Variants in SLC9A9 observed in about 807,000 individuals in gnomAD.
SLC9A9 encodes the protein sodium/hydrogen exchanger 9.
A neutral mutation model predicts 77.8 loss-of-function variants in SLC9A9; 62 were observed. The observed-to-expected ratio is 0.80, with a 90% CI of 0.65 to 0.98. The LOEUF is 0.98. SLC9A9 is among the 50% of genes least tolerant of loss of function. SLC9A9 has a pLI of 0.00. For synonymous variants in SLC9A9, 320 were observed against 283.5 expected (o/e 1.13, Z -1.29); for missense variants, 775 against 774.9 (o/e 1.00, Z 0.00).
At chr3:143,412,177 C>T (rs535308400) in intron 12 of SLC9A9, among the ~76,000 whole-genome samples, 62 of 152,258 alleles carry the variant, frequency 4.1e-4, no homozygotes, top group African/African-American at 1.5e-3. Context: ...GAGACTCCTC[C>T]TCTGCTGCTG....
At chr3:143,806,835 A>G (rs1209326021) in intron 2 of SLC9A9, among the ~76,000 whole-genome samples, 1 of 152,206 alleles carries the variant, frequency 6.6e-6, no homozygotes, top group Non-Finnish European at 1.5e-5. Flanking sequence ...TGTATAGTCA[A>G]CAATAACTTA....
At chr3:143,689,974 T>C (rs1237628053) in intron 5 of SLC9A9, among the ~76,000 whole-genome samples, 1 of 151,926 alleles carries the variant, frequency 6.6e-6, no homozygotes, top group African/African-American at 2.4e-5. Context: ...AATCTAATTT[T>C]AAAAATTAAA....
chr3:143,322,948 A>G (rs367852932), intron 14 of SLC9A9, among the ~76,000 whole-genome samples: 133 of 152,310 alleles, frequency 8.7e-4, no homozygotes, highest in African/African-American at 3.1e-3. Context: ...CAAACAAAAA[A>G]CCATACAAAT....
chr3:143,674,309 G>A (rs571986903), intron 5 of SLC9A9, among the ~76,000 whole-genome samples: 2 of 152,104 alleles, frequency 1.3e-5, no homozygotes, highest in East Asian at 1.9e-4. Context: ...TATCCAGGAC[G>A]CTCTGACCAC....
intron 5 of SLC9A9, among the ~76,000 whole-genome samples, chr3:143,686,416 GGATA>G (rs1383011361): frequency 2.0e-5 from 3 of 152,076 alleles, no homozygotes; most frequent in African/African-American, 7.2e-5. Context: ...CACGGACAGG[GGATA>G]GAAAGCTCTG....
chr3:143,564,761 T>A (rs1248070895), intron 8 of SLC9A9, among the ~76,000 whole-genome samples: 3 of 152,178 alleles, frequency 2.0e-5, no homozygotes, highest in African/African-American at 7.2e-5. Flanking sequence ...CATGAATCTA[T>A]GTTATTATTT....
chr3:143,403,405 T>C (rs999432810), intron 12 of SLC9A9, among the ~76,000 whole-genome samples: 1 of 152,186 alleles, frequency 6.6e-6, no homozygotes, highest in Non-Finnish European at 1.5e-5. Flanking sequence ...CAATATGTAA[T>C]TATGCTGTTT....
Position 143,828,564 on chromosome 3 carries a change from A to AAC in SLC9A9, c.378+3453_378+3454dup, listed in dbSNP as rs143198052. On this transcript the variant is annotated intron_variant, in intron 2 of 15. Transcript: ENST00000316549. ...AAAGAAACAAGCACATACCTACCCC[A>AAC]ACACACACACACACACACAGAGAGA... is the stretch of plus-strand genomic sequence containing the variant. Among the ~76,000 whole-genome samples the AAC allele has an allele frequency of 5.2e-3, 788 of 150,342 alleles. 1 individual carries two copies. The highest frequency in any genetic ancestry group is 0.017 in the South Asian group (79 of 4,754).
chr3:143,564,038 C>T (rs1163737593), intron 8 of SLC9A9, among the ~76,000 whole-genome samples: 12 of 152,156 alleles, frequency 7.9e-5, no homozygotes, highest in Non-Finnish European at 1.3e-4. Context: ...AAATACACAT[C>T]TGTCAAAGGA....
intron 4 of SLC9A9, among the ~76,000 whole-genome samples, chr3:143,786,997 G>A (rs1341763774): frequency 6.6e-6 from 1 of 152,150 alleles, no homozygotes; most frequent in Non-Finnish European, 1.5e-5. Flanking sequence ...GCTGGGAAAA[G>A]AGAATGAAAA....
intron 4 of SLC9A9, among the ~76,000 whole-genome samples, chr3:143,706,917 A>G (rs1251483512): frequency 6.6e-6 from 1 of 152,166 alleles, no homozygotes; most frequent in East Asian, 1.9e-4. Flanking sequence ...AAAAGATTGG[A>G]TACCTCTGCA....
intron 14 of SLC9A9, among the ~76,000 whole-genome samples, chr3:143,303,608 T>A (rs1176740152): frequency 6.6e-6 from 1 of 152,212 alleles, no homozygotes; most frequent in Non-Finnish European, 1.5e-5. Context: ...CATTTGAGGA[T>A]GATTACTTTG....
At chr3:143,447,239 G>C (rs1247883806) in intron 12 of SLC9A9, among the ~76,000 whole-genome samples, 2 of 152,068 alleles carry the variant, frequency 1.3e-5, no homozygotes, top group Non-Finnish European at 2.9e-5. Context: ...ATTTCACCTT[G>C]GTGCCCTACT....
chr3:143,589,591 C>A (rs1340917174), intron 6 of SLC9A9, among the ~76,000 whole-genome samples: 1 of 152,070 alleles, frequency 6.6e-6, no homozygotes, highest in Non-Finnish European at 1.5e-5. Context: ...GTAGGTTATA[C>A]CATCTAGAAG....
chr3:143,481,006 A>G (rs906776660), intron 11 of SLC9A9, among the ~76,000 whole-genome samples: 2 of 152,212 alleles, frequency 1.3e-5, no homozygotes, highest in African/African-American at 4.8e-5. Flanking sequence ...CCTAAGCTGA[A>G]GTTGAGTTTA....
chr3:143,691,860 A>T (rs1933479880), intron 5 of SLC9A9, among the ~76,000 whole-genome samples: 1 of 152,106 alleles, frequency 6.6e-6, no homozygotes, highest in Non-Finnish European at 1.5e-5. Context: ...ATTCACTTTC[A>T]TTGCAACGAG....
At chr3:143,430,603 T>C (rs1250973215) in intron 12 of SLC9A9, among the ~76,000 whole-genome samples, 1 of 152,176 alleles carries the variant, frequency 6.6e-6, no homozygotes, top group Non-Finnish European at 1.5e-5. Context: ...GCTGTTCTTT[T>C]GCTGAGCCCA....
At chr3:143,666,779 G>A (rs548924654) in intron 5 of SLC9A9, among the ~76,000 whole-genome samples, 1 of 152,280 alleles carries the variant, frequency 6.6e-6, no homozygotes, top group Admixed American at 6.5e-5. Context: ...TACAAGGGAT[G>A]TGAAGGACCT....
At chr3:143,831,019 G>T (rs2009421372) in intron 2 of SLC9A9, among the ~76,000 whole-genome samples, 1 of 151,952 alleles carries the variant, frequency 6.6e-6, no homozygotes, top group Admixed American at 6.6e-5. Flanking sequence ...GCTAGTGGAA[G>T]ATAATATGAA....
Sources: gnomAD v4.1 joint callset for allele counts (sites outside exome capture counted in the v4.1 genomes callset) on GRCh38, gnomAD v4.1.1 for gene constraint, MANE v1.5 for transcripts, NCBI Gene and HGNC (gene_info 2026-07-23, HGNC 2026-07-21) for gene names.